CAPS2: variants seen among roughly 807,000 people sequenced by gnomAD.
The protein encoded by CAPS2 is calcyphosin-2.
CAPS2 carries 98 observed loss-of-function variants against 86.5 expected under a neutral mutation model. The ratio of observed to expected loss-of-function variants is 1.13; its 90% CI spans 0.96 to 1.34. CAPS2 has a LOEUF of 1.34. CAPS2 is among the 40% of genes most tolerant of loss of function. The pLI, the probability that CAPS2 is intolerant of heterozygous loss-of-function variation, is 0.00. For synonymous variants in CAPS2, 210 were observed against 225.1 expected, an observed-to-expected ratio of 0.93 and a Z score of 0.60; for missense variants, 729 against 686.8, an observed-to-expected ratio of 1.06 and a Z score of -0.69.
chr12:75,278,124 A>G, exon 17 of CAPS2: 2 of 920,812 alleles, frequency 2.2e-6, no homozygotes, highest in Non-Finnish European at 2.6e-6. Context: ...TTTCCCTTTC[A>G]TATTGCTCAA....
intron 14 of CAPS2, among the ~76,000 whole-genome samples, chr12:75,288,647 T>A (rs971633327): frequency 6.6e-6 from 1 of 152,232 alleles, no homozygotes; most frequent in Non-Finnish European, 1.5e-5. Context: ...TCCAACCCTC[T>A]TAGCATGACA....
chr12:75,334,810 A>G, upstream of CAPS2: 4 of 1,614,118 alleles, frequency 2.5e-6, no homozygotes, highest in Middle Eastern at 1.6e-4. Context: ...AATCCCATCC[A>G]TCACTGACCC....
chr12:75,278,912 A>G (rs1306998349), exon 17 of CAPS2: 2 of 1,590,514 alleles, frequency 1.3e-6, no homozygotes, highest in East Asian at 4.5e-5. Flanking sequence ...TGGAGTACGT[A>G]AGATGTTAAC....
exon 12 of CAPS2, chr12:75,293,308 T>G: frequency 6.2e-7 from 1 of 1,612,574 alleles, no homozygotes; most frequent in Non-Finnish European, 8.5e-7. Context: ...GTAATGTGTT[T>G]TCTTTGATGC....
intron 2 of CAPS2, among the ~76,000 whole-genome samples, chr12:75,324,006 T>C (rs2040542695): frequency 6.6e-6 from 1 of 152,216 alleles, no homozygotes; most frequent in South Asian, 2.1e-4. Context: ...GGTTCATTTC[T>C]GAAACTTTAA....
chr12:75,330,017 G>A (rs1334321005), upstream of CAPS2: 1 of 635,436 alleles, frequency 1.6e-6, no homozygotes, highest in Admixed American at 2.7e-5. Context: ...CATTCAGAAA[G>A]CTTTAGACAG....
intron 14 of CAPS2, among the ~76,000 whole-genome samples, chr12:75,287,684 T>G (rs2035140445): frequency 6.6e-6 from 1 of 152,186 alleles, no homozygotes; most frequent in Non-Finnish European, 1.5e-5. Context: ...TTCCCGATAC[T>G]TTGCGTATTC....
chr12:75,320,439 C>T (rs1382460112), intron 5 of CAPS2, among the ~76,000 whole-genome samples: 2 of 152,010 alleles, frequency 1.3e-5, no homozygotes, highest in Non-Finnish European at 2.9e-5. Flanking sequence ...ATTTTGCCTA[C>T]TATTATAGAC....
At chr12:75,386,914 A>G (rs968596625) in intron 1 of CAPS2, among the ~76,000 whole-genome samples, 2 of 152,220 alleles carry the variant, frequency 1.3e-5, no homozygotes, top group African/African-American at 4.8e-5. Flanking sequence ...AAATTAATCA[A>G]AATGGATCAC....
chr12:75,313,600 A>G (rs2039451266), intron 6 of CAPS2, among the ~76,000 whole-genome samples: 1 of 152,174 alleles, frequency 6.6e-6, no homozygotes. Context: ...TTTAATTCAA[A>G]TTATATTATC....
chr12:75,340,929 C>A (rs2042059901), intron 1 of CAPS2, among the ~76,000 whole-genome samples: 1 of 151,514 alleles, frequency 6.6e-6, no homozygotes, highest in East Asian at 1.9e-4. Flanking sequence ...ATGACAATAC[C>A]AAATACTGGT....
At chr12:75,343,663 A>G (rs2042260990) in intron 1 of CAPS2, 1 of 1,523,760 alleles carries the variant, frequency 6.6e-7, no homozygotes, top group South Asian at 1.2e-5. Context: ...ACTTATGCAC[A>G]ATTCAATTTA....
chr12:75,328,215 T>A (rs1376491825), upstream of CAPS2, among the ~76,000 whole-genome samples: 1 of 152,176 alleles, frequency 6.6e-6, no homozygotes, highest in Non-Finnish European at 1.5e-5. Context: ...CAAATTATTG[T>A]ATTCGCGATG....
chr12:75,358,826 A>G (rs1416555155), intron 1 of CAPS2, among the ~76,000 whole-genome samples: 1 of 143,922 alleles, frequency 6.9e-6, no homozygotes, highest in Admixed American at 7.1e-5. Context: ...AAATATATAT[A>G]ATATATAACA....
chr12:75,343,171 G>T (rs2042231195), intron 1 of CAPS2, among the ~76,000 whole-genome samples: 1 of 151,902 alleles, frequency 6.6e-6, no homozygotes, highest in Admixed American at 6.6e-5. Context: ...GTACAATAAT[G>T]AATAGAAATA....
intron 1 of CAPS2, among the ~76,000 whole-genome samples, chr12:75,388,165 T>C (rs1328738640): frequency 3.3e-5 from 5 of 152,162 alleles, no homozygotes; most frequent in Non-Finnish European, 5.9e-5. Flanking sequence ...TGAGATCTGA[T>C]GGTTTTATAA....
intron 1 of CAPS2, chr12:75,371,361 T>C (rs775784415): frequency 1.0e-5 from 2 of 194,606 alleles, no homozygotes; most frequent in Non-Finnish European, 2.2e-5. Flanking sequence ...CTGCCTGGTT[T>C]ATTCTAGCTG....
At chr12:75,325,390 T>C (rs567426366) in intron 1 of CAPS2, 102 bp from the exon 3 acceptor site, 237 of 930,278 alleles carry the variant, frequency 2.5e-4, no homozygotes, top group Non-Finnish European at 3.4e-4. Flanking sequence ...CTAATTATAA[T>C]TTTTCTCAGT....
At chr12:75,324,736 A>C (rs2040608377) in intron 2 of CAPS2, among the ~76,000 whole-genome samples, 1 of 152,128 alleles carries the variant, frequency 6.6e-6, no homozygotes, top group South Asian at 2.1e-4. Context: ...ACTTGAAAGA[A>C]TATAAAAATT....
Sources: allele counts gnomAD v4.1 joint callset (sites outside exome capture counted in the v4.1 genomes callset), GRCh38; gene constraint gnomAD v4.1.1; transcripts MANE v1.5; gene names NCBI Gene and HGNC (gene_info 2026-07-23, HGNC 2026-07-21).